Variants in UNC5D observed in about 807,000 individuals in gnomAD.
UNC5D encodes the protein unc-5 netrin receptor D, also known as netrin receptor UNC5D.
In UNC5D, 39 loss-of-function variants were observed where a neutral mutation model predicts 105.4. The ratio of observed to expected loss-of-function variants is 0.37; its 90% confidence interval spans 0.29 to 0.48. The LOEUF is 0.48. Ranked by LOEUF, UNC5D falls within the 20% of genes least tolerant of loss-of-function variation. The pLI is 0.98. For synonymous variants in UNC5D, 452 were observed against 450.4 expected, an observed-to-expected ratio of 1.00 and a Z score of -0.04; for missense variants, 991 against 1,202.4, an observed-to-expected ratio of 0.82 and a Z score of 2.60.
intron 1 of UNC5D, among the ~76,000 whole-genome samples, chr8:35,364,508 A>G (rs1033543367): frequency 6.6e-6 from 1 of 152,228 alleles, no homozygotes; most frequent in Non-Finnish European, 1.5e-5. Context: ...AGGGTGTTTT[A>G]CCAATGATTC....
At chr8:35,753,663 CT>C (rs1383935319) in intron 13 of UNC5D, among the ~76,000 whole-genome samples, 21 of 152,296 alleles carry the variant, frequency 1.4e-4, no homozygotes, top group African/African-American at 4.6e-4. Flanking sequence ...TCCAGTGATT[CT>C]TTCTCTCTCC....
Position 35,726,493 on chromosome 8 carries a change from G to C in UNC5D, c.1645G>C (p.Gly549Arg), listed in dbSNP as rs1430444361. 6.2e-7 allele frequency: 1 copy of C among 1,613,692 alleles called. No individual in the cohort carries two copies. The highest frequency in any genetic ancestry group is 2.2e-5 in the East Asian group (1 of 44,872). ...AGAACTGAGGACAACTGGTGTCTTT[G>C]GCCATTTAGGGGGGCGCTTAGTAAT... ...RTELRTTGVFGHLGGRLVMPN... is the reference protein window; with the variant it reads ...RTELRTTGVFRHLGGRLVMPN... The change falls in exon 10 of 17, where the codon GGC (glycine) becomes CGC (arginine). Residue 549 changes from glycine to arginine, a missense_variant. Around this residue, in one of 3 missense-constraint regions of UNC5D, gnomAD observed 944 missense variants for 1,131.6 expected, o/e 0.83. Coordinates refer to ENST00000404895, the MANE Select transcript of UNC5D (RefSeq NM_080872.4).
intron 4 of UNC5D, among the ~76,000 whole-genome samples, chr8:35,671,794 A>G (rs1824826356): frequency 6.6e-6 from 1 of 152,114 alleles, no homozygotes; most frequent in Non-Finnish European, 1.5e-5. Context: ...GAATAAGTGT[A>G]GAGTCTTTTT....
Position 35,718,049 on chromosome 8 carries a change from C to T in UNC5D, c.1118-4161C>T, listed in dbSNP as rs543815976. 5.4e-4 allele frequency among the ~76,000 whole-genome samples: 82 copies of T among 151,862 alleles called. 2 individuals are homozygous for T. The South Asian group carries it at 0.014, about 27-fold the overall frequency. On this transcript the variant is annotated intron_variant, in intron 8 of 16. Transcript: ENST00000404895. ...AGTAGTTTCTGACTAATTTGGAATA[C>T]AAGAGATTTCACAGTCAGTGCTCTG...
intron 1 of UNC5D, among the ~76,000 whole-genome samples, chr8:35,363,235 C>T (rs1801945211): frequency 6.6e-6 from 1 of 152,050 alleles, no homozygotes; most frequent in South Asian, 2.1e-4. Context: ...CTTGGGAAGC[C>T]TCCAAATCAT....
rs149687678 is a variant in UNC5D at position 35,501,178 on chromosome 8, G to A, written c.104-48114G>A. 1.1e-4 allele frequency among the ~76,000 whole-genome samples: 16 copies of A among 152,314 alleles called. No individual in the cohort carries two copies. The South Asian group carries it at 1.9e-3, about 18-fold the overall frequency. ...GAAACACTGACACGGTTCAGAAAAC[G>A]TGATTACCAAGGCATTCGAAATAAT... On this transcript the variant is annotated intron_variant, in intron 1 of 16. Transcript: ENST00000404895.
chr8:35,683,202 A>T (rs1159857868), intron 4 of UNC5D, among the ~76,000 whole-genome samples: 1 of 152,210 alleles, frequency 6.6e-6, no homozygotes, highest in East Asian at 1.9e-4. Flanking sequence ...TGGACCAATT[A>T]TTGAAATATC....
At chr8:35,689,452 G>A (rs533628252) in intron 7 of UNC5D, among the ~76,000 whole-genome samples, 22 of 152,246 alleles carry the variant, frequency 1.4e-4, no homozygotes, top group African/African-American at 5.3e-4. Flanking sequence ...AATAGGATAT[G>A]CACACACATA....
At chr8:35,706,018 T>C (rs1197310475) in intron 8 of UNC5D, 57 bp downstream of exon 8, 3 of 1,164,488 alleles carry the variant, frequency 2.6e-6, no homozygotes, top group Admixed American at 4.6e-5. Context: ...TGCCTTGCTG[T>C]TGTATTTGTT....
chr8:35,291,975 C>T (rs2128862343), intron 1 of UNC5D, among the ~76,000 whole-genome samples: 1 of 152,296 alleles, frequency 6.6e-6, no homozygotes, highest in Non-Finnish European at 1.5e-5. Context: ...TATCCATGAA[C>T]ATTCACCCGC....
At chr8:35,465,967 A>G (rs577495872) in intron 1 of UNC5D, among the ~76,000 whole-genome samples, 4 of 152,298 alleles carry the variant, frequency 2.6e-5, no homozygotes, top group African/African-American at 9.6e-5. Context: ...GGAAAAGGCA[A>G]GGAAATAGGG....
At chr8:35,406,551 C>G (rs1804812509) in intron 1 of UNC5D, among the ~76,000 whole-genome samples, 1 of 152,058 alleles carries the variant, frequency 6.6e-6, no homozygotes, top group South Asian at 2.1e-4. Flanking sequence ...TAAAGAAGTT[C>G]AAAGAGTGAA....
intron 1 of UNC5D, 96 bp downstream of exon 1, chr8:35,235,983 T>A (rs1285337732): frequency 4.6e-6 from 5 of 1,092,368 alleles, no homozygotes; most frequent in Non-Finnish European, 4.6e-6. Flanking sequence ...CTTCCCAACT[T>A]GCGCCCTGCA....
chr8:35,294,379 G>A (rs1436708030), intron 1 of UNC5D, among the ~76,000 whole-genome samples: 1 of 151,988 alleles, frequency 6.6e-6, no homozygotes, highest in African/African-American at 2.4e-5. Flanking sequence ...ATGGCATCTA[G>A]ATGCTTATCT....
intron 1 of UNC5D, among the ~76,000 whole-genome samples, chr8:35,276,714 C>A (rs541148871): frequency 5.8e-4 from 88 of 152,256 alleles, no homozygotes; most frequent in Non-Finnish European, 9.1e-4. Flanking sequence ...TCTCACTAGC[C>A]TCCATAGCAA....
intron 4 of UNC5D, among the ~76,000 whole-genome samples, chr8:35,607,777 C>T (rs888315897): frequency 6.6e-6 from 1 of 152,096 alleles, no homozygotes; most frequent in Non-Finnish European, 1.5e-5. Flanking sequence ...CCTTGCTTCC[C>T]CTTCTTCCCT....
intron 1 of UNC5D, among the ~76,000 whole-genome samples, chr8:35,315,263 A>C (rs902115765): frequency 6.6e-6 from 1 of 152,114 alleles, no homozygotes; most frequent in Admixed American, 6.5e-5. Flanking sequence ...TAAGACAATC[A>C]TTTACTATTG....
intron 1 of UNC5D, among the ~76,000 whole-genome samples, chr8:35,430,136 G>A (rs907725670): frequency 2.6e-5 from 4 of 152,076 alleles, no homozygotes; most frequent in African/African-American, 7.2e-5. Flanking sequence ...GGCTTGACTA[G>A]AGGATTGGGA....
chr8:35,464,603 A>G (rs1050288329), intron 1 of UNC5D, among the ~76,000 whole-genome samples: 5 of 150,684 alleles, frequency 3.3e-5, no homozygotes, highest in Admixed American at 3.3e-4. Flanking sequence ...CCTAATCTTG[A>G]TTCTCTCTTA....
Sources: allele counts gnomAD v4.1 joint callset (sites outside exome capture counted in the v4.1 genomes callset), GRCh38; gene constraint gnomAD v4.1.1; regional missense constraint gnomAD v4.1.1; transcripts MANE v1.5; gene names NCBI Gene and HGNC (gene_info 2026-07-23, HGNC 2026-07-21).